Variants in RAB23 observed in about 807,000 individuals in gnomAD.
RAB23 encodes the protein RAB23, member RAS oncogene family, also known as ras-related protein Rab-23.
RAB23 carries 15 observed loss-of-function variants against 30.0 expected under a neutral mutation model. The observed-to-expected ratio is 0.50, with a 90% CI of 0.33 to 0.77. The LOEUF is 0.77. Ranked by LOEUF, RAB23 falls within the 30% of genes least tolerant of loss-of-function variation. The pLI, the probability that RAB23 is intolerant of heterozygous loss-of-function variation, is 0.02. For missense variants in RAB23, 243 were observed against 275.4 expected, an observed-to-expected ratio of 0.88 and a Z score of 0.83; for synonymous variants, 93 against 94.0, an observed-to-expected ratio of 0.99 and a Z score of 0.06.
At chr6:57,195,493 TCTCCTC>T (rs1764987937) in intron 4 of RAB23, among the ~76,000 whole-genome samples, 1 of 152,012 alleles carries the variant, frequency 6.6e-6, no homozygotes, top group South Asian at 2.1e-4. Flanking sequence ...CCTTGTGTAG[TCTCCTC>T]CCACACTGTA....
chr6:57,197,813 G>A (rs942038725), intron 3 of RAB23, among the ~76,000 whole-genome samples: 8 of 152,086 alleles, frequency 5.3e-5, no homozygotes, highest in South Asian at 2.1e-4. Flanking sequence ...ATCATGGCTC[G>A]CTGCAGCCTC....
intron 6 of RAB23, 118 bp downstream of exon 6, chr6:57,193,724 C>A: frequency 1.5e-6 from 2 of 1,367,990 alleles, no homozygotes; most frequent in Non-Finnish European, 2.0e-6. Flanking sequence ...ATACTTAAAT[C>A]ACTGACTTAA....
chr6:57,198,255 A>T (rs1255153527), intron 3 of RAB23, among the ~76,000 whole-genome samples: 4 of 152,082 alleles, frequency 2.6e-5, no homozygotes, highest in Admixed American at 1.3e-4. Flanking sequence ...AACTACAAAT[A>T]AAAAAAATTA....
At chr6:57,201,159 C>T (rs1054567337) in intron 3 of RAB23, among the ~76,000 whole-genome samples, 2 of 151,168 alleles carry the variant, frequency 1.3e-5, no homozygotes, top group Non-Finnish European at 2.9e-5. Context: ...TCTTGGCTCA[C>T]GGCAGCCTCT....
chr6:57,197,919 TTTTTGTTTTG>T, intron 3 of RAB23, among the ~76,000 whole-genome samples: 1 of 152,044 alleles, frequency 6.6e-6, no homozygotes, highest in East Asian at 1.9e-4. Flanking sequence ...ATTCTTTGTT[TTTTTGTTTTG>T]TTTTGTTTTG....
chr6:57,218,503 T>C (rs998569148), intron 1 of RAB23, among the ~76,000 whole-genome samples: 1 of 152,182 alleles, frequency 6.6e-6, no homozygotes, highest in Non-Finnish European at 1.5e-5. Flanking sequence ...ATTCAACATT[T>C]GTGAGAAAAC....
rs1765523258 is a variant in RAB23 at position 57,208,369 on chromosome 6, A to C, written c.156-656T>G. 2.0e-5 allele frequency among the ~76,000 whole-genome samples: 3 copies of C among 151,952 alleles called. 1 individual carries two copies. Among genetic ancestry groups the C allele is most frequent in the Admixed American group, 6.6e-5 (1 of 15,260 alleles). On this transcript the variant is annotated intron_variant, in intron 2 of 6. Coordinates refer to ENST00000468148, the MANE Select transcript of RAB23 (RefSeq NM_016277.5). Reference sequence around the variant, plus strand: ...GAATGCAAAAAAGCAATTTACCGCCAGTCACGGTGGCTCACGCCTGTAATC... The same window carrying C: ...GAATGCAAAAAAGCAATTTACCGCCCGTCACGGTGGCTCACGCCTGTAATC...
At chr6:57,195,826 A>G (rs1172180059) in intron 4 of RAB23, among the ~76,000 whole-genome samples, 1 of 152,206 alleles carries the variant, frequency 6.6e-6, no homozygotes, top group African/African-American at 2.4e-5. Flanking sequence ...ATCTACAGAA[A>G]CTGTGATATA....
chr6:57,212,266 A>G (rs1432175037), intron 1 of RAB23, among the ~76,000 whole-genome samples: 2 of 152,218 alleles, frequency 1.3e-5, no homozygotes, highest in Non-Finnish European at 2.9e-5. Context: ...TATGCACAAC[A>G]TGGATCCTCT....
intron 3 of RAB23, among the ~76,000 whole-genome samples, chr6:57,202,651 T>C (rs959759859): frequency 3.3e-5 from 5 of 152,186 alleles, no homozygotes; most frequent in Admixed American, 3.3e-4. Flanking sequence ...GGTTATAGGC[T>C]GAACAAACAA....
chr6:57,209,174 A>G (rs1765555173), intron 2 of RAB23, among the ~76,000 whole-genome samples: 1 of 152,212 alleles, frequency 6.6e-6, no homozygotes, highest in South Asian at 2.1e-4. Context: ...TGAAACAAGA[A>G]AGCAGACTTG....
At chr6:57,211,081 G>A (rs949775210) in intron 1 of RAB23, among the ~76,000 whole-genome samples, 3 of 152,200 alleles carry the variant, frequency 2.0e-5, no homozygotes, top group Non-Finnish European at 4.4e-5. Flanking sequence ...TTGAGGCTAT[G>A]TGTATAAGGC....
At position 57,194,753 on chromosome 6, in the gene RAB23, C is replaced by T. The variant is rs200085734; in HGVS notation, c.481+17G>A. ...AAAATTTCTTTTTGCAATCTATATC[C>T]TTTAAAGGTAATTTACCTTCATTCA... On this transcript the variant is annotated intron_variant, in intron 5 of 6. Transcript: ENST00000468148. The T allele has an allele frequency of 4.5e-4, 696 of 1,560,602 alleles. 3 individuals carry two copies. The African/African-American group carries it at 8.2e-3, about 18-fold the overall frequency.
chr6:57,194,914 A>T, intron 4 of RAB23, 62 bp from the exon 5 acceptor site: 1 of 1,206,896 alleles, frequency 8.3e-7, no homozygotes, highest in Non-Finnish European at 1.2e-6. Flanking sequence ...TGTTTTTTAA[A>T]TCACTTTTAA....
At chr6:57,206,766 T>G (rs1044825813) in intron 3 of RAB23, among the ~76,000 whole-genome samples, 6 of 152,218 alleles carry the variant, frequency 3.9e-5, no homozygotes, top group African/African-American at 1.4e-4. Context: ...GAGGAAGTTG[T>G]GTCTTTAGAA....
chr6:57,203,264 C>G (rs1765336592), intron 3 of RAB23, among the ~76,000 whole-genome samples: 1 of 152,142 alleles, frequency 6.6e-6, no homozygotes, highest in African/African-American at 2.4e-5. Context: ...CCGCAGCCTC[C>G]CAAAGTGCTG....
chr6:57,187,257 AAATAAT>A lies in RAB23; in HGVS notation c.*3198_*3203del, dbSNP rs928530608. 6.6e-6 allele frequency: 1 copy of A among 152,172 alleles called. No homozygotes were observed. Among genetic ancestry groups the A allele is most frequent in the Non-Finnish European group, 1.5e-5 (1 of 68,016 alleles). The allele number at this position is 152,172 out of a possible 1,614,324, so 9.4% of individuals were successfully genotyped here. On this transcript the variant is annotated 3_prime_UTR_variant, in exon 7 of 7. Transcript: ENST00000468148. The stretch of plus-strand genomic sequence containing the variant: ...TGTAGATATTTCGAGAGACAGATGA[AAATAAT>A]AATAATAAAGATTATTATAGCCAAA...
chr6:57,213,306 G>A (rs1765720648), intron 1 of RAB23, among the ~76,000 whole-genome samples: 1 of 152,126 alleles, frequency 6.6e-6, no homozygotes, highest in Non-Finnish European at 1.5e-5. Context: ...CCACGGCCTG[G>A]GAGTTGGGGA....
intron 3 of RAB23, 142 bp from the exon 4 acceptor site, chr6:57,196,748 C>T (rs953413127): frequency 2.5e-5 from 23 of 925,262 alleles, no homozygotes; most frequent in Non-Finnish European, 2.8e-5. Flanking sequence ...ATGTTGAACT[C>T]ATCTTTGTAC....
Sources: gnomAD v4.1 joint callset for allele counts (sites outside exome capture counted in the v4.1 genomes callset) on GRCh38, gnomAD v4.1.1 for gene constraint, MANE v1.5 for transcripts, NCBI Gene and HGNC (gene_info 2026-07-23, HGNC 2026-07-21) for gene names.